Variants in PRKCE observed in about 807,000 individuals in gnomAD.
The protein encoded by PRKCE is protein kinase C epsilon type.
In PRKCE, 16 loss-of-function variants were observed where a neutral mutation model predicts 85.4. The observed-to-expected ratio is 0.19, with a 90% CI of 0.13 to 0.28. The LOEUF is 0.28. Ranked by LOEUF, PRKCE falls within the 10% of genes least tolerant of loss-of-function variation. The pLI, the probability that PRKCE is intolerant of heterozygous loss-of-function variation, is 1.00. For missense variants in PRKCE, 573 were observed against 975.2 expected (o/e 0.59, Z 5.49); for synonymous variants, 388 against 371.5 (o/e 1.04, Z -0.51).
intron 2 of PRKCE, among the ~76,000 whole-genome samples, chr2:45,917,929 T>C (rs902052988): frequency 2.0e-5 from 3 of 152,134 alleles, no homozygotes; most frequent in Admixed American, 6.5e-5. Flanking sequence ...AAGCCCCTCA[T>C]TGCCCAGGGC....
At chr2:45,937,012 T>C (rs1699510052) in intron 2 of PRKCE, among the ~76,000 whole-genome samples, 2 of 152,204 alleles carry the variant, frequency 1.3e-5, no homozygotes, top group Non-Finnish European at 2.9e-5. Context: ...CCAGTACTTG[T>C]ATTTTAAGTT....
At chr2:45,978,665 C>T in intron 3 of PRKCE, 1 of 315,086 alleles carries the variant, frequency 3.2e-6, no homozygotes, top group Non-Finnish European at 5.9e-6. Context: ...TCAATGCCTA[C>T]CAGGAGCAAG....
chr2:46,045,211 T>C (rs982480531), intron 10 of PRKCE, among the ~76,000 whole-genome samples: 1 of 152,250 alleles, frequency 6.6e-6, no homozygotes, highest in African/African-American at 2.4e-5. Flanking sequence ...GAGTTACTTA[T>C]GTGTATGTAC....
intron 1 of PRKCE, among the ~76,000 whole-genome samples, chr2:45,816,793 C>T (rs1273982614): frequency 2.0e-5 from 3 of 152,158 alleles, no homozygotes; most frequent in Admixed American, 2.0e-4. Context: ...CTCGATATTC[C>T]TGTCCATCCT....
chr2:45,816,013 A>T (rs1689010431), intron 1 of PRKCE, among the ~76,000 whole-genome samples: 1 of 152,220 alleles, frequency 6.6e-6, no homozygotes, highest in Non-Finnish European at 1.5e-5. Flanking sequence ...TTAATGCAAG[A>T]CACATCCCAA....
intron 1 of PRKCE, among the ~76,000 whole-genome samples, chr2:45,789,498 C>T (rs753853581): frequency 7.2e-5 from 11 of 152,176 alleles, no homozygotes; most frequent in South Asian, 4.1e-4. Flanking sequence ...TGGAGCATAG[C>T]TCCTGCCTGT....
chr2:46,135,746 CTTTTTTTTTT>C (rs11417233), intron 11 of PRKCE, among the ~76,000 whole-genome samples: 10 of 20,658 alleles, frequency 4.8e-4, no homozygotes, highest in Admixed American at 4.4e-3. Context: ...ACAAATTATG[CTTTTTTTTTT>C]TTTTTTTTTT....
intron 1 of PRKCE, among the ~76,000 whole-genome samples, chr2:45,659,587 C>T (rs1320371701): frequency 1.3e-5 from 2 of 152,198 alleles, no homozygotes; most frequent in African/African-American, 4.8e-5. Context: ...CTGACCCTAT[C>T]ACTTGCCACT....
intron 11 of PRKCE, among the ~76,000 whole-genome samples, chr2:46,133,064 T>C (rs1558488607): frequency 1.3e-5 from 2 of 152,326 alleles, no homozygotes; most frequent in East Asian, 1.9e-4. Flanking sequence ...TGGCTGGACA[T>C]GGAAGACATA....
In PRKCE at chr2:45,984,762, C is replaced by T. The variant is rs997631634; in HGVS notation, c.823+82C>T. The stretch of plus-strand genomic sequence containing the variant: ...CCCCCATCCCTGCTTTATAAAAAAC[C>T]CTTGTCTGATTCCAGATTTGGCCAA... On this transcript the variant is annotated intron_variant, in intron 6 of 14. Coordinates refer to ENST00000306156, the MANE Select transcript of PRKCE (RefSeq NM_005400.3). 3.9e-6 allele frequency: 6 copies of T among 1,519,080 alleles called. No individual in the cohort carries two copies. The South Asian group carries it at 5.0e-5, about 13-fold the overall frequency. 94.1% of individuals were successfully genotyped at this position (1,519,080 alleles called of 1,614,324 possible).
chr2:45,797,154 T>C (rs1421828720), intron 1 of PRKCE, among the ~76,000 whole-genome samples: 1 of 152,112 alleles, frequency 6.6e-6, no homozygotes, highest in Non-Finnish European at 1.5e-5. Context: ...ATGTAACAGG[T>C]ATAGTATCAT....
chr2:45,995,718 G>A (rs967046820), intron 6 of PRKCE, among the ~76,000 whole-genome samples: 8 of 152,126 alleles, frequency 5.3e-5, no homozygotes, highest in Non-Finnish European at 1.0e-4. Flanking sequence ...TTCCATTGAT[G>A]TTTTGCCAAT....
chr2:45,994,538 C>T (rs941670626), intron 6 of PRKCE, among the ~76,000 whole-genome samples: 4 of 152,294 alleles, frequency 2.6e-5, no homozygotes, highest in Middle Eastern at 3.4e-3. Context: ...TGGAATGATA[C>T]AGGGGATAGC....
At chr2:45,798,402 C>G (rs1687602039) in intron 1 of PRKCE, among the ~76,000 whole-genome samples, 1 of 152,186 alleles carries the variant, frequency 6.6e-6, no homozygotes, top group Non-Finnish European at 1.5e-5. Flanking sequence ...ACGTTGCCTC[C>G]TCCTTTGCCT....
At chr2:45,776,190 A>G (rs543004540) in intron 1 of PRKCE, among the ~76,000 whole-genome samples, 2 of 152,360 alleles carry the variant, frequency 1.3e-5, no homozygotes, top group East Asian at 3.9e-4. Context: ...AAATTAGACA[A>G]TGAATTCTGT....
At chr2:46,144,948 G>A (rs1188850686) in intron 11 of PRKCE, 145 bp from the exon 12 acceptor site, 1 of 1,220,700 alleles carries the variant, frequency 8.2e-7, no homozygotes, top group Non-Finnish European at 1.2e-6. Context: ...AGAGCCCCTG[G>A]ACTGAGATGG....
chr2:45,844,151 T>C (rs1691587246), intron 2 of PRKCE, among the ~76,000 whole-genome samples: 1 of 152,180 alleles, frequency 6.6e-6, no homozygotes, highest in Non-Finnish European at 1.5e-5. Flanking sequence ...TGCCTGATGA[T>C]TTCCATTCAG....
At chr2:45,858,187 G>T (rs970240938) in intron 2 of PRKCE, among the ~76,000 whole-genome samples, 1 of 152,206 alleles carries the variant, frequency 6.6e-6, no homozygotes, top group Non-Finnish European at 1.5e-5. Context: ...TGCCTGTAAC[G>T]ATGGCCCTTC....
At chr2:45,917,412 A>G (rs999385952) in intron 2 of PRKCE, among the ~76,000 whole-genome samples, 6 of 152,076 alleles carry the variant, frequency 3.9e-5, no homozygotes, top group African/African-American at 1.4e-4. Context: ...AAGGTTCTGC[A>G]AGGCCCCACC....
Sources: allele counts gnomAD v4.1 joint callset (sites outside exome capture counted in the v4.1 genomes callset), GRCh38; gene constraint gnomAD v4.1.1; transcripts MANE v1.5; gene names NCBI Gene and HGNC (gene_info 2026-07-23, HGNC 2026-07-21).